Variants in VDR observed in about 807,000 individuals in gnomAD.
The protein encoded by VDR is vitamin D receptor.
VDR carries 19 observed loss-of-function variants against 39.7 expected under a neutral mutation model. The ratio of observed to expected loss-of-function variants is 0.48; its 90% CI spans 0.33 to 0.70. The LOEUF is 0.70. VDR is among the 30% of genes least tolerant of loss of function. VDR has a pLI of 0.02. For missense variants in VDR, 442 were observed against 570.5 expected, an observed-to-expected ratio of 0.77 and a Z score of 2.29; for synonymous variants, 242 against 215.8, an observed-to-expected ratio of 1.12 and a Z score of -1.07.
At chr12:47,860,779 G>C (rs1344528222) in intron 4 of VDR, among the ~76,000 whole-genome samples, 2 of 152,278 alleles carry the variant, frequency 1.3e-5, no homozygotes, top group East Asian at 3.9e-4. Context: ...ATTGGTGTCT[G>C]CCTCTGGATG....
chr12:47,883,824 G>A (rs12721400), intron 1 of VDR, among the ~76,000 whole-genome samples: 36 of 152,332 alleles, frequency 2.4e-4, no homozygotes, highest in African/African-American at 7.9e-4. Flanking sequence ...ACCTGGGCCC[G>A]GTCCTAGAAC....
chr12:47,890,321 G>A (rs1296238065), intron 1 of VDR, among the ~76,000 whole-genome samples: 1 of 147,416 alleles, frequency 6.8e-6, no homozygotes, highest in African/African-American at 2.5e-5. Context: ...TTATTGTTTT[G>A]TATTTTACAT....
At chr12:47,862,571 G>A (rs1479519238) in intron 4 of VDR, among the ~76,000 whole-genome samples, 1 of 152,232 alleles carries the variant, frequency 6.6e-6, no homozygotes, top group Non-Finnish European at 1.5e-5. Context: ...ACAGTAGTTG[G>A]TCAATACACA....
intron 1 of VDR, among the ~76,000 whole-genome samples, chr12:47,903,325 C>T (rs1946602617): frequency 6.6e-6 from 1 of 152,222 alleles, no homozygotes; most frequent in African/African-American, 2.4e-5. Flanking sequence ...CAGGACTCTT[C>T]TCAAATAGGT....
intron 3 of VDR, among the ~76,000 whole-genome samples, chr12:47,871,306 CTT>C (rs1213291758): frequency 7.8e-6 from 1 of 127,412 alleles, no homozygotes; most frequent in South Asian, 2.8e-4. Flanking sequence ...TTCTTTCTTT[CTT>C]TCTTTCTTTC....
At chr12:47,872,712 G>A (rs1420591330) in intron 3 of VDR, among the ~76,000 whole-genome samples, 2 of 152,106 alleles carry the variant, frequency 1.3e-5, no homozygotes, top group Admixed American at 6.5e-5. Context: ...TTCTGTTTAG[G>A]AACCTCTTTT....
intron 4 of VDR, among the ~76,000 whole-genome samples, chr12:47,858,542 CCCA>C (rs1945544424): frequency 6.6e-6 from 1 of 152,252 alleles, no homozygotes; most frequent in Admixed American, 6.5e-5. Flanking sequence ...CATAGAGAGC[CCCA>C]CCACCACCTG....
chr12:47,871,292 C>CTTTCTTTCTTTCTTTCTCTTTCTTTCTT (rs754929705), intron 3 of VDR, among the ~76,000 whole-genome samples: 6 of 79,880 alleles, frequency 7.5e-5, no homozygotes, highest in Non-Finnish European at 1.2e-4. Context: ...CTTTCTCTTT[C>CTTTCTTTCTTTCTTTCTCTTTCTTTCTT]TCTTTCTTTC....
At chr12:47,878,659 A>C (rs1208704636) in intron 3 of VDR, among the ~76,000 whole-genome samples, 2 of 152,138 alleles carry the variant, frequency 1.3e-5, no homozygotes, top group East Asian at 3.9e-4. Flanking sequence ...GAGGAGGTTC[A>C]CTCTGGAAGG....
At chr12:47,845,424 G>T (rs978595174) in intron 9 of VDR, among the ~76,000 whole-genome samples, 1 of 151,874 alleles carries the variant, frequency 6.6e-6, no homozygotes, top group African/African-American at 2.4e-5. Flanking sequence ...GCCATTCCTG[G>T]CAACACTCTA....
rs182214815 is a variant in VDR at position 47,855,377 on chromosome 12, G to A, written c.755+253C>T. 9.2e-3 allele frequency among the ~76,000 whole-genome samples: 1,280 copies of A among 139,638 alleles called. 21 individuals are homozygous for A. The South Asian group carries it at 0.1, about 11-fold the overall frequency. 91.6% of individuals were successfully genotyped at this position (139,638 alleles called of 152,430 possible). ...AAATAAATAAATAAATAAATTAGCC[G>A]GGCGTGGTGTCTGGTGCCTGTAATC... On this transcript the variant is annotated intron_variant, in intron 7 of 9. Transcript: ENST00000549336.
At chr12:47,871,314 C>CTTTCTTTCTTTCTT (rs1945863536) in intron 3 of VDR, among the ~76,000 whole-genome samples, 1 of 137,906 alleles carries the variant, frequency 7.3e-6, no homozygotes, top group African/African-American at 2.7e-5. Flanking sequence ...TTCTTTCTTT[C>CTTTCTTTCTTTCTT]TTTCTTTCTT....
chr12:47,892,387 G>C (rs772973668), intron 1 of VDR, among the ~76,000 whole-genome samples: 2 of 152,250 alleles, frequency 1.3e-5, no homozygotes, highest in Non-Finnish European at 2.9e-5. Flanking sequence ...ACCCCAAGGT[G>C]ACATCGGCTG....
At chr12:47,881,100 G>C (rs1946140840) in intron 2 of VDR, among the ~76,000 whole-genome samples, 1 of 104,324 alleles carries the variant, frequency 9.6e-6, no homozygotes, top group Non-Finnish European at 2.2e-5. Flanking sequence ...ATGTGTGTGT[G>C]TGTGTATATA....
rs566109492 is a variant in VDR, at chr12:47,857,388, G to A, written c.462+116C>T. On this transcript the variant is annotated intron_variant, in intron 5 of 9. Coordinates refer to ENST00000549336, the MANE Select transcript of VDR (RefSeq NM_000376.3). ...CAGTGCCAGGGGCAGAGCAGCCTCC[G>A]TCCCTACCCCAGTTCTGTTCAGGAT... 6.0e-5 allele frequency: 96 copies of A among 1,599,836 alleles called. 1 individual carries two copies. Among genetic ancestry groups the A allele is most frequent in the African/African-American group, 3.7e-4 (28 of 74,758 alleles).
chr12:47,888,034 A>G (rs1164167337), intron 1 of VDR, among the ~76,000 whole-genome samples: 1 of 152,232 alleles, frequency 6.6e-6, no homozygotes, highest in Non-Finnish European at 1.5e-5. Flanking sequence ...GGGAAGAGAA[A>G]GAGGTTTAAC....
chr12:47,895,532 G>T (rs1303473276), intron 1 of VDR, among the ~76,000 whole-genome samples: 1 of 152,082 alleles, frequency 6.6e-6, no homozygotes, highest in African/African-American at 2.4e-5. Context: ...TCTGGGAGGG[G>T]TACCTTCTAG....
rs1219344878 is a variant in VDR at position 47,843,531 on chromosome 12, G to C, written c.*1215C>G. The stretch of plus-strand genomic sequence containing the variant: ...GGCTGGCTGCAGAGAGCATGCACTT[G>C]AAGTTGTATCACTCCGCCCCTGCCT... On this transcript the variant is annotated 3_prime_UTR_variant, in exon 10 of 10. Transcript: ENST00000549336. 1 of 152,394 alleles carries C rather than the reference G, an allele frequency of 6.6e-6. No homozygotes were observed. Among genetic ancestry groups the C allele is most frequent in the African/African-American group, 2.4e-5 (1 of 41,428 alleles). The allele number at this position is 152,394 out of a possible 1,614,324, so 9.4% of individuals were successfully genotyped here. A position where few individuals can be genotyped will look rare whatever the true frequency, so the allele number is the denominator to read the frequency against.
intron 3 of VDR, among the ~76,000 whole-genome samples, chr12:47,872,088 A>G (rs914398972): frequency 1.3e-5 from 2 of 152,260 alleles, no homozygotes; most frequent in African/African-American, 4.8e-5. Flanking sequence ...AAAAAGCCAT[A>G]TTATGACGTT....
Sources: gnomAD v4.1 joint callset for allele counts (sites outside exome capture counted in the v4.1 genomes callset) on GRCh38, gnomAD v4.1.1 for gene constraint, MANE v1.5 for transcripts, NCBI Gene and HGNC (gene_info 2026-07-23, HGNC 2026-07-21) for gene names.